CCDC71L: variants seen among roughly 807,000 people sequenced by gnomAD.
CCDC71L encodes coiled-coil domain-containing protein 71L.
In CCDC71L, 6 loss-of-function variants were observed where a neutral mutation model predicts 10.2. That is an observed-to-expected ratio of 0.59 (90% CI 0.32 to 1.16). The LOEUF (loss-of-function observed/expected upper bound fraction) is 1.16, where lower values mean the gene tolerates loss of function less well. Ranked by LOEUF, CCDC71L falls within the 50% of genes most tolerant of loss-of-function variation. The pLI is 0.05. For synonymous variants in CCDC71L, 204 were observed against 175.5 expected, an observed-to-expected ratio of 1.16 and a Z score of -1.28; for missense variants, 366 against 383.4, an observed-to-expected ratio of 0.95 and a Z score of 0.38.
Position 106,658,384 on chromosome 7 carries a change from T to C in CCDC71L, c.*1805A>G, listed in dbSNP as rs919312455. The C allele has an allele frequency of 6.6e-6, 1 of 152,188 alleles. No homozygotes were observed. The highest frequency in any genetic ancestry group is 2.1e-4 in the South Asian group (1 of 4,826). 9.4% of individuals were successfully genotyped at this position (152,188 alleles called of 1,614,324 possible). A position where few individuals can be genotyped will look rare whatever the true frequency, so the allele number is the denominator to read the frequency against. ...GTGTGTATATATATATCATATTATT[T>C]CTTTTAACAAGAACACTGAAATTGA... On this transcript the variant is annotated 3_prime_UTR_variant, in exon 1 of 1. Coordinates refer to ENST00000523505, the MANE Select transcript of CCDC71L (RefSeq NM_175884.6).
At position 106,657,367 on chromosome 7, in the gene CCDC71L, A is replaced by G. The variant is rs1455176191; in HGVS notation, c.*2822T>C. 1 of 152,218 alleles carries G rather than the reference A, an allele frequency of 6.6e-6. No individual in the cohort carries two copies. The highest frequency in any genetic ancestry group is 1.5e-5 in the Non-Finnish European group (1 of 68,028). The allele number at this position is 152,218 out of a possible 1,614,324, so 9.4% of individuals were successfully genotyped here. ...ACATTTAGGCACTCAGGAATTAAAA[A>G]TCAAATAAAAGCATAGCGAGGTGAT... On this transcript the variant is annotated 3_prime_UTR_variant, in exon 1 of 1. Coordinates refer to ENST00000523505, the MANE Select transcript of CCDC71L (RefSeq NM_175884.6).
Position 106,660,279 on chromosome 7 carries a change from C to G in CCDC71L, c.618G>C (p.Leu206=), listed in dbSNP as rs114110666. 2 of 1,567,598 alleles carry G rather than the reference C, an allele frequency of 1.3e-6. No individual in the cohort carries two copies. Among genetic ancestry groups the G allele is most frequent in the Non-Finnish European group, 1.7e-6 (2 of 1,167,142 alleles). Residue 206 remains leucine (L), a synonymous_variant, in exon 1 of 1, where the codon CTG becomes CTC. Coordinates refer to ENST00000523505, the MANE Select transcript of CCDC71L (RefSeq NM_175884.6). This position sits in a 1 kb window ranked among gnomAD's most constrained non-coding sequence, Gnocchi z 7.5. ...VGSDVWGERS[L]AAARRRARQV... is the part of the protein sequence containing the mutation. ...GGCGCGCCCTGCGCCGCGCTGCCGC[C>G]AGGCTGCGCTCGCCCCACACGTCGC...
Position 106,660,782 on chromosome 7 carries a change from TCTC to T in CCDC71L, c.112_114del (p.Glu38del), listed in dbSNP as rs773562684. The T allele has an allele frequency of 5.2e-6, 8 of 1,548,030 alleles. No individual in the cohort carries two copies. The South Asian group carries it at 7.1e-5, about 14-fold the overall frequency. On this transcript the variant is annotated inframe_deletion, in exon 1 of 1. Transcript: ENST00000523505. This position sits in a 1 kb window ranked among gnomAD's most constrained non-coding sequence, Gnocchi z 7.5. The stretch of plus-strand genomic sequence containing the variant: ...AGTTGCGACCGCGAGTACACCACCT[TCTC>T]CTCCCGCGCCTCCAACCCAGCCCCG...
rs917333961 is a variant in CCDC71L at position 106,656,570 on chromosome 7, T to G, written c.*3619A>C. Among the ~76,000 whole-genome samples the G allele has an allele frequency of 2.0e-5, 3 of 152,052 alleles. No homozygotes were observed. Among genetic ancestry groups the G allele is most frequent in the Non-Finnish European group, 4.4e-5 (3 of 67,996 alleles). On this transcript the variant is annotated 3_prime_UTR_variant, in exon 1 of 1. Coordinates refer to ENST00000523505, the MANE Select transcript of CCDC71L (RefSeq NM_175884.6). ...GGGCTTGTAGCGCCATCCTAAAAATTCGCTAGATAATTAAAGAATTGATGG... is the reference window on the plus strand; with the variant it reads ...GGGCTTGTAGCGCCATCCTAAAAATGCGCTAGATAATTAAAGAATTGATGG...
rs1792483841 is a variant in CCDC71L at position 106,655,951 on chromosome 7, T to G, written c.*4238A>C. On this transcript the variant is annotated 3_prime_UTR_variant, in exon 1 of 1. Transcript: ENST00000523505. ...GGACCACTCTCAGCTTATATACCTA[T>G]TCTCACTGTGCATACCTATAATTAA... Among the ~76,000 whole-genome samples, 1 of 152,200 alleles carries G rather than the reference T, an allele frequency of 6.6e-6. No homozygotes were observed. The highest frequency in any genetic ancestry group is 6.5e-5 in the Admixed American group (1 of 15,270).
Position 106,660,034 on chromosome 7 carries a change from G to T in CCDC71L, c.*155C>A. ...ACGACCGCGCCGCGGCCCGGGACAG[G>T]GACAACCATCCGGCAACTTCTTCGC... On this transcript the variant is annotated 3_prime_UTR_variant, in exon 1 of 1. Coordinates refer to ENST00000523505, the MANE Select transcript of CCDC71L (RefSeq NM_175884.6). The surrounding 1 kb of genome is among the most constrained non-coding windows in gnomAD (Gnocchi z 7.5). 1 of 1,088,010 alleles carries T rather than the reference G, an allele frequency of 9.2e-7. No individual in the cohort carries two copies. The highest frequency in any genetic ancestry group is 1.2e-6 in the Non-Finnish European group (1 of 813,184). The allele number at this position is 1,088,010 out of a possible 1,614,324, so 67.4% of individuals were successfully genotyped here.
At position 106,660,184 on chromosome 7, in the gene CCDC71L, G is replaced by T; in HGVS notation, c.*5C>A. Reference sequence around the variant, plus strand: ...GCCGGCAGGAGGCGCCCTGGAGGCCGCACCTCATGCCCGGGGCACCGGGAA... The same window carrying T: ...GCCGGCAGGAGGCGCCCTGGAGGCCTCACCTCATGCCCGGGGCACCGGGAA... On this transcript the variant is annotated 3_prime_UTR_variant, in exon 1 of 1. Transcript: ENST00000523505. The surrounding 1 kb of genome is among the most constrained non-coding windows in gnomAD (Gnocchi z 7.5). The T allele has an allele frequency of 6.5e-7, 1 of 1,543,800 alleles. No individual in the cohort carries two copies. Among genetic ancestry groups the T allele is most frequent in the Admixed American group, 1.9e-5 (1 of 53,822 alleles).
At position 106,660,324 on chromosome 7, in the gene CCDC71L, G is replaced by T. The variant is rs773943845; in HGVS notation, c.573C>A (p.Phe191Leu). The T allele has an allele frequency of 6.6e-7, 1 of 1,520,468 alleles. No homozygotes were observed. Among genetic ancestry groups the T allele is most frequent in the African/African-American group, 1.4e-5 (1 of 69,382 alleles). The allele number at this position is 1,520,468 out of a possible 1,614,324, so 94.2% of individuals were successfully genotyped here. ...CGTCGCTGCCGACGCGGATGGTGGG[G>T]AAGGTGGTCAGCGTCGGGGTGGCCG... Reference protein sequence around the residue: ...WRAATPTLTTFPTIRVGSDVW... With the variant: ...WRAATPTLTTLPTIRVGSDVW... Residue 191 changes from phenylalanine (F) to leucine (L), a missense_variant, in exon 1 of 1, where the codon TTC becomes TTA. Physicochemically the swap from Phe to Leu is conservative, Grantham distance 22. Transcript: ENST00000523505. This position sits in a 1 kb window ranked among gnomAD's most constrained non-coding sequence, Gnocchi z 7.5.
Position 106,660,918 on chromosome 7 carries a change from C to CA in CCDC71L, c.-23dup, listed in dbSNP as rs1484807033. The CA allele has an allele frequency of 2.2e-6, 3 of 1,349,986 alleles. No individual in the cohort carries two copies. The highest frequency in any genetic ancestry group is 2.8e-6 in the Non-Finnish European group (3 of 1,054,406). 83.6% of individuals were successfully genotyped at this position (1,349,986 alleles called of 1,614,324 possible). On this transcript the variant is annotated 5_prime_UTR_variant, in exon 1 of 1. Coordinates refer to ENST00000523505, the MANE Select transcript of CCDC71L (RefSeq NM_175884.6). This position sits in a 1 kb window ranked among gnomAD's most constrained non-coding sequence, Gnocchi z 7.5. ...GCATCGAAGGCCGCTCCGGGCCACT[C>CA]ACGCTCGCCGGGTCCCACTACTGCC...
Position 106,655,041 on chromosome 7 carries a change from C to T in CCDC71L, c.*5148G>A, listed in dbSNP as rs1172160721. Among the ~76,000 whole-genome samples the T allele has an allele frequency of 6.6e-6, 1 of 152,084 alleles. No individual in the cohort carries two copies. The highest frequency in any genetic ancestry group is 1.9e-4 in the East Asian group (1 of 5,198). ...TCAGTAGACTACTTATTCAAATTTT[C>T]TGGGCTAAACATAGTGTTTGGTGTT... On this transcript the variant is annotated 3_prime_UTR_variant, in exon 1 of 1. Coordinates refer to ENST00000523505, the MANE Select transcript of CCDC71L (RefSeq NM_175884.6).
chr7:106,661,023 G>C lies in CCDC71L; in HGVS notation c.-127C>G. On this transcript the variant is annotated 5_prime_UTR_variant, in exon 1 of 1. Transcript: ENST00000523505. ...CGCTACTTTTCTCGCCTCCGCCGCC[G>C]CCCCTCCCCCTCCGAGGGCGGAGGA... 1 of 1,249,558 alleles carries C rather than the reference G, an allele frequency of 8.0e-7. No individual in the cohort carries two copies. The highest frequency in any genetic ancestry group is 1.0e-6 in the Non-Finnish European group (1 of 983,208). The allele number at this position is 1,249,558 out of a possible 1,614,324, so 77.4% of individuals were successfully genotyped here. A position where few individuals can be genotyped will look rare whatever the true frequency, so the allele number is the denominator to read the frequency against.
In CCDC71L at chr7:106,661,023, G is replaced by A. The variant is rs1365178766; in HGVS notation, c.-127C>T. On this transcript the variant is annotated 5_prime_UTR_variant, in exon 1 of 1. Coordinates refer to ENST00000523505, the MANE Select transcript of CCDC71L (RefSeq NM_175884.6). Reference sequence around the variant, plus strand: ...CGCTACTTTTCTCGCCTCCGCCGCCGCCCCTCCCCCTCCGAGGGCGGAGGA... The same window carrying A: ...CGCTACTTTTCTCGCCTCCGCCGCCACCCCTCCCCCTCCGAGGGCGGAGGA... 9 of 1,249,440 alleles carry A rather than the reference G, an allele frequency of 7.2e-6. No individual in the cohort carries two copies. Among genetic ancestry groups the A allele is most frequent in the African/African-American group, 1.6e-5 (1 of 63,346 alleles). 77.4% of individuals were successfully genotyped at this position (1,249,440 alleles called of 1,614,324 possible).
chr7:106,660,515 C>G lies in CCDC71L; in HGVS notation c.382G>C (p.Ala128Pro). 1.5e-6 allele frequency: 2 copies of G among 1,366,608 alleles called. No homozygotes were observed. The allele number at this position is 1,366,608 out of a possible 1,614,324, so 84.7% of individuals were successfully genotyped here. The change falls in exon 1 of 1, where the codon GCA becomes CCA. Residue 128 changes from alanine (A) to proline (P), a missense_variant. Physicochemically the swap from Ala to Pro is conservative, Grantham distance 27 (BLOSUM62 -1). Coordinates refer to ENST00000523505, the MANE Select transcript of CCDC71L (RefSeq NM_175884.6). This position sits in a 1 kb window ranked among gnomAD's most constrained non-coding sequence, Gnocchi z 7.5. ...RGQARRPVPR[A>P]AARRRRRGAR... ...CCGCGGCGCCTCCTCCTGGCCGCTG[C>G]GCGCGGAACCGGCCGGCGCGCCTGG...
Position 106,660,681 on chromosome 7 carries a change from G to T in CCDC71L, c.216C>A (p.Ser72Arg). The T allele has an allele frequency of 6.3e-7, 1 of 1,586,408 alleles. No individual in the cohort carries two copies. The highest frequency in any genetic ancestry group is 8.6e-7 in the Non-Finnish European group (1 of 1,166,372). ...GGAAGCTCCAGAGCTCCGCGTCCGA[G>T]CTCATGAACTCCGTGCTGCGGGGCA... is the stretch of plus-strand genomic sequence containing the variant. ...LFMPRSTEFM[S>R]SDAELWSFLC... Residue 72 changes from serine (S) to arginine (R), a missense_variant, in exon 1 of 1, where the codon AGC becomes AGA. Coordinates refer to ENST00000523505, the MANE Select transcript of CCDC71L (RefSeq NM_175884.6). This position sits in a 1 kb window ranked among gnomAD's most constrained non-coding sequence, Gnocchi z 7.5.
chr7:106,659,982 G>C lies in CCDC71L; in HGVS notation c.*207C>G. ...CGCAGGCCGGGTACGGGAGGCAGCA[G>C]AGGGCACACCTGCCCCAGCGTCCAA... On this transcript the variant is annotated 3_prime_UTR_variant, in exon 1 of 1. Transcript: ENST00000523505. The C allele has an allele frequency of 1.5e-6, 1 of 654,742 alleles. No homozygotes were observed. The highest frequency in any genetic ancestry group is 2.4e-5 in the South Asian group (1 of 41,398). The allele number at this position is 654,742 out of a possible 1,614,324, so 40.6% of individuals were successfully genotyped here. A position where few individuals can be genotyped will look rare whatever the true frequency, so the allele number is the denominator to read the frequency against.
Position 106,655,948 on chromosome 7 carries a change from C to T in CCDC71L, c.*4241G>A, listed in dbSNP as rs899250161. ...AACGGACCACTCTCAGCTTATATACCTATTCTCACTGTGCATACCTATAAT... is the reference window on the plus strand; with the variant it reads ...AACGGACCACTCTCAGCTTATATACTTATTCTCACTGTGCATACCTATAAT... On this transcript the variant is annotated 3_prime_UTR_variant, in exon 1 of 1. Transcript: ENST00000523505. Among the ~76,000 whole-genome samples, 1 of 152,148 alleles carries T rather than the reference C, an allele frequency of 6.6e-6. No homozygotes were observed. Among genetic ancestry groups the T allele is most frequent in the Non-Finnish European group, 1.5e-5 (1 of 68,010 alleles).
At position 106,658,220 on chromosome 7, in the gene CCDC71L, T is replaced by C. The variant is rs1023987589; in HGVS notation, c.*1969A>G. The C allele has an allele frequency of 6.6e-6, 1 of 152,182 alleles. No homozygotes were observed. The highest frequency in any genetic ancestry group is 1.5e-5 in the Non-Finnish European group (1 of 68,016). The allele number at this position is 152,182 out of a possible 1,614,324, so 9.4% of individuals were successfully genotyped here. A position where few individuals can be genotyped will look rare whatever the true frequency, so the allele number is the denominator to read the frequency against. On this transcript the variant is annotated 3_prime_UTR_variant, in exon 1 of 1. Transcript: ENST00000523505. ...ATATGTCTAAGCTTCCTATCACAAA[T>C]ATAATTTAACACTCTCCATCTTCTA...
In CCDC71L at chr7:106,660,008, G is replaced by A. The variant is rs759973354; in HGVS notation, c.*181C>T. 596 of 871,814 alleles carry A rather than the reference G, an allele frequency of 6.8e-4. 1 individual carries two copies. Among genetic ancestry groups the A allele is most frequent in the Non-Finnish European group, 9.0e-4 (555 of 616,244 alleles). 54.0% of individuals were successfully genotyped at this position (871,814 alleles called of 1,614,324 possible). A position where few individuals can be genotyped will look rare whatever the true frequency, so the allele number is the denominator to read the frequency against. ...AGGGCACACCTGCCCCAGCGTCCAA[G>A]ACGACCGCGCCGCGGCCCGGGACAG... On this transcript the variant is annotated 3_prime_UTR_variant, in exon 1 of 1. Coordinates refer to ENST00000523505, the MANE Select transcript of CCDC71L (RefSeq NM_175884.6). This position sits in a 1 kb window ranked among gnomAD's most constrained non-coding sequence, Gnocchi z 7.5.
chr7:106,661,001 T>G lies in CCDC71L; in HGVS notation c.-105A>C. On this transcript the variant is annotated 5_prime_UTR_variant, in exon 1 of 1. The change abolishes the stop of an existing upstream ORF in the 5' untranslated region. Transcript: ENST00000523505. ...GGCGGCTGCTGCTGGCGTCTCTCGCTACTTTTCTCGCCTCCGCCGCCGCCC... is the reference window on the plus strand; with the variant it reads ...GGCGGCTGCTGCTGGCGTCTCTCGCGACTTTTCTCGCCTCCGCCGCCGCCC... 7.8e-7 allele frequency: 1 copy of G among 1,282,110 alleles called. No homozygotes were observed. Among genetic ancestry groups the G allele is most frequent in the Non-Finnish European group, 9.9e-7 (1 of 1,014,292 alleles). 79.4% of individuals were successfully genotyped at this position (1,282,110 alleles called of 1,614,324 possible).
Sources: allele counts gnomAD v4.1 joint callset (sites outside exome capture counted in the v4.1 genomes callset), GRCh38; gene constraint gnomAD v4.1.1; non-coding constraint Gnocchi (gnomAD v3.1); transcripts MANE v1.5; gene names NCBI Gene and HGNC (gene_info 2026-07-23, HGNC 2026-07-21).